The following XKRX variants were observed in gnomAD, a reference collection of about 807,000 sequenced individuals.
XKRX encodes the protein XK related X-linked, also known as XK-related protein 2.
Under a neutral mutation model 22.4 loss-of-function variants are expected in XKRX, and 11 were observed. The ratio of observed to expected loss-of-function variants is 0.49; its 90% CI spans 0.31 to 0.81. The LOEUF is 0.81. Among genes scored for constraint, XKRX ranks in the 40% least tolerant of loss-of-function variants. XKRX has a pLI of 0.05. For synonymous variants in XKRX, 114 were observed against 132.2 expected (o/e 0.86, Z 0.94); for missense variants, 320 against 336.5 (o/e 0.95, Z 0.38).
the XKRX span, among the ~76,000 whole-genome samples, chrX:100,949,711 A>C: frequency 9.0e-6 from 1 of 111,669 alleles, no homozygotes; most frequent in Admixed American, 9.6e-5. Context: ...CTAAAATGTC[A>C]AAAATACAAT....
At chrX:100,958,203 C>T in the XKRX span, among the ~76,000 whole-genome samples, 4 of 112,069 alleles carry the variant, frequency 3.6e-5, no homozygotes, top group African/African-American at 1.3e-4. Context: ...AATGCTATTA[C>T]ATTATCATCA....
chrX:100,927,825 G>T, intron 1 of XKRX, 145 bp downstream of exon 1: 1 of 755,265 alleles, frequency 1.3e-6, no homozygotes. Flanking sequence ...TAAGTTTTCT[G>T]AATGGTAGAC....
chrX:100,913,250 G>A (rs2085413600), downstream of XKRX, among the ~76,000 whole-genome samples: 1 of 109,460 alleles, frequency 9.1e-6, no homozygotes, highest in South Asian at 4.0e-4. Context: ...CAGTACTGAT[G>A]ATGATTTAAT....
At chrX:100,895,387 GAAAT>G in the XKRX span, among the ~76,000 whole-genome samples, 1 of 112,600 alleles carries the variant, frequency 8.9e-6, no homozygotes, top group Non-Finnish European at 1.9e-5. Context: ...TAGAATAGAT[GAAAT>G]AAGGTATATC....
At chrX:100,897,223 A>G in the XKRX span, among the ~76,000 whole-genome samples, 2 of 111,729 alleles carry the variant, frequency 1.8e-5, no homozygotes, top group African/African-American at 6.5e-5. Context: ...GAAATTGGGT[A>G]AAACCCTGTA....
At chrX:100,952,804 A>G in the XKRX span, among the ~76,000 whole-genome samples, 1 of 112,294 alleles carries the variant, frequency 8.9e-6, no homozygotes, top group Non-Finnish European at 1.9e-5. Context: ...GTTTAGGGAC[A>G]TGGGAGGAGA....
chrX:100,911,629 T>C (rs1488008476), downstream of XKRX: 2 of 416,604 alleles, frequency 4.8e-6, no homozygotes, highest in Non-Finnish European at 8.5e-6. Flanking sequence ...AACATTAAAA[T>C]GGTTAAAAAA....
chrX:100,936,540 C>CAAAAAAAAAAAAAAAAAAAAAA, the XKRX span, among the ~76,000 whole-genome samples: 16 of 25,408 alleles, frequency 6.3e-4, no homozygotes, highest in Admixed American at 1.0e-3. Context: ...GACTCTGTCT[C>CAAAAAAAAAAAAAAAAAAAAAA]AAAAAAAAAA....
intron 1 of XKRX, among the ~76,000 whole-genome samples, chrX:100,924,633 T>C (rs892422156): frequency 6.2e-5 from 7 of 112,016 alleles, no homozygotes; most frequent in Admixed American, 4.8e-4. Context: ...GTAAGAACAT[T>C]TGTAGTGGAC....
chrX:100,894,388 A>G, the XKRX span, among the ~76,000 whole-genome samples: 2 of 112,326 alleles, frequency 1.8e-5, no homozygotes, highest in African/African-American at 6.5e-5. Flanking sequence ...AATTTTGTCA[A>G]TCATACCTTA....
chrX:100,933,981 C>T (rs748011282), upstream of XKRX, among the ~76,000 whole-genome samples: 2 of 111,266 alleles, frequency 1.8e-5, no homozygotes, highest in Admixed American at 9.6e-5. Context: ...AACTTAGTGC[C>T]GGAACATTTC....
At chrX:100,957,231 G>C in the XKRX span, 101 of 986,482 alleles carry the variant, frequency 1.0e-4, no homozygotes, top group Middle Eastern at 5.1e-4. Context: ...GTATCGATCT[G>C]ATTTCCTGAT....
chrX:100,889,705 C>A, the XKRX span, among the ~76,000 whole-genome samples: 1 of 111,588 alleles, frequency 9.0e-6, no homozygotes, highest in African/African-American at 3.3e-5. Flanking sequence ...CTCACAGCCC[C>A]CAAAAGGAAC....
At chrX:100,908,738 C>G (rs1180358599), downstream of XKRX, among the ~76,000 whole-genome samples, 1 of 111,819 alleles carries the variant, frequency 8.9e-6, no homozygotes, top group Non-Finnish European at 1.9e-5. Context: ...AAAGAATTTC[C>G]TAGATATAAA....
At chrX:100,892,672 A>C in the XKRX span, among the ~76,000 whole-genome samples, 9 of 112,833 alleles carry the variant, frequency 8.0e-5, no homozygotes, top group African/African-American at 2.6e-4. Flanking sequence ...AAAACAGGAA[A>C]GATAACAAGT....
the XKRX span, chrX:100,887,734 G>A: frequency 2.8e-6 from 2 of 722,687 alleles, no homozygotes; most frequent in Non-Finnish European, 4.3e-6. Context: ...CGCCACCATA[G>A]GGGCCAGAGC....
the XKRX span, among the ~76,000 whole-genome samples, chrX:100,890,167 A>T: frequency 9.0e-6 from 1 of 111,541 alleles, no homozygotes; most frequent in Admixed American, 9.5e-5. Context: ...GGTAGATAAA[A>T]GTCAGATTAC....
chrX:100,945,606 A>G, the XKRX span, among the ~76,000 whole-genome samples: 2 of 110,887 alleles, frequency 1.8e-5, no homozygotes, highest in Non-Finnish European at 3.8e-5. Flanking sequence ...CTGAATTTCA[A>G]TCCCAGTTCC....
In XKRX at chrX:100,928,806, G is replaced by T; in HGVS notation, c.-502C>A. 1 of 757,224 alleles carries T rather than the reference G, an allele frequency of 1.3e-6. No homozygotes were observed. The highest frequency in any genetic ancestry group is 1.5e-4 in the East Asian group (1 of 6,684). 62.4% of individuals were successfully genotyped at this position (757,224 alleles called of 1,213,427 possible). On this transcript the variant is annotated 5_prime_UTR_variant, in exon 1 of 3. Coordinates refer to ENST00000372956, the MANE Select transcript of XKRX (RefSeq NM_212559.3). ...GCTGAGCCAGGGCAGAAGAGCGGGCGCAGAAGAAGGAGGGCAGAAGAGGGG... is the reference window on the plus strand; with the variant it reads ...GCTGAGCCAGGGCAGAAGAGCGGGCTCAGAAGAAGGAGGGCAGAAGAGGGG...
Sources: gnomAD v4.1 joint callset for allele counts (sites outside exome capture counted in the v4.1 genomes callset) on GRCh38, gnomAD v4.1.1 for gene constraint, MANE v1.5 for transcripts, NCBI Gene and HGNC (gene_info 2026-07-23, HGNC 2026-07-21) for gene names.